Variants in ASB2 observed in about 807,000 individuals in gnomAD.
ASB2 encodes the protein ankyrin repeat and SOCS box protein 2.
In ASB2, 58 loss-of-function variants were observed where a neutral mutation model predicts 62.4. That is an observed-to-expected ratio of 0.93 (90% CI 0.75 to 1.16). ASB2 has a LOEUF of 1.16. Among genes scored for constraint, ASB2 ranks in the 50% most tolerant of loss-of-function variants. The pLI, the probability that ASB2 is intolerant of heterozygous loss-of-function variation, is 0.00. For missense variants in ASB2, 928 were observed against 887.9 expected (o/e 1.05, Z -0.57); for synonymous variants, 386 against 385.3 (o/e 1.00, Z -0.02).
rs34365480 is a variant in ASB2 at position 93,937,871 on chromosome 14, G to A, written c.1618-20C>T. Reference sequence around the variant, plus strand: ...ACAGAACTGAAAGAGAACATGCCGGGACCAAGAAGTGAGTTCATCCCACCT... The same window carrying A: ...ACAGAACTGAAAGAGAACATGCCGGAACCAAGAAGTGAGTTCATCCCACCT... On this transcript the variant is annotated intron_variant, in intron 8 of 9. Transcript: ENST00000555019. 10 of 1,578,632 alleles carry A rather than the reference G, an allele frequency of 6.3e-6. No individual in the cohort carries two copies. Among genetic ancestry groups the A allele is most frequent in the Non-Finnish European group, 8.7e-6 (10 of 1,153,382 alleles).
intron 6 of ASB2, among the ~76,000 whole-genome samples, chr14:93,950,028 T>C (rs914284486): frequency 1.3e-5 from 2 of 152,222 alleles, no homozygotes; most frequent in Non-Finnish European, 2.9e-5. Context: ...TGGAGTCAGA[T>C]GGCAGTGGGT....
rs145073522 is a variant in ASB2, at chr14:93,951,117, C to T, written c.762G>A (p.Met254Ile). ...TGGCTCCTCCGCTCACCAGGATCTG[C>T]ATGACCTCCAGGTCATTGCGAGACA... ...ESVSRNDLEVMQILVSGGAKV... is the reference protein window; with the variant it reads ...ESVSRNDLEVIQILVSGGAKV... Residue 254 changes from methionine (M) to isoleucine (I), a missense_variant, in exon 6 of 10, where the codon ATG becomes ATA. Physicochemically the swap from Met to Ile is conservative, Grantham distance 10. Transcript: ENST00000555019. 3.3e-5 allele frequency: 54 copies of T among 1,614,120 alleles called. No homozygotes were observed. The highest frequency in any genetic ancestry group is 4.4e-5 in the Non-Finnish European group (52 of 1,180,056).
intron 3 of ASB2, chr14:93,955,401 C>T: frequency 3.0e-6 from 1 of 334,310 alleles, no homozygotes; most frequent in South Asian, 2.4e-5. Flanking sequence ...AAGCAACAGA[C>T]CCAGCAAGGA....
chr14:93,956,682 T>C, intron 3 of ASB2, 84 bp downstream of exon 3: 1 of 1,555,924 alleles, frequency 6.4e-7, no homozygotes, highest in Non-Finnish European at 8.9e-7. Flanking sequence ...TCCTGGGGGC[T>C]GTGGGCCTGC....
chr14:93,968,909 C>T (rs1030775559), intron 1 of ASB2, among the ~76,000 whole-genome samples: 10 of 152,168 alleles, frequency 6.6e-5, no homozygotes, highest in African/African-American at 2.4e-4. Context: ...CCCTTGGAAG[C>T]ACAGCTGTTA....
intron 4 of ASB2, 149 bp downstream of exon 4, chr14:93,954,168 A>G: frequency 2.9e-6 from 2 of 679,360 alleles, no homozygotes; most frequent in Non-Finnish European, 5.1e-6. Context: ...CCCTCTCGTA[A>G]CTCCATGACT....
intron 1 of ASB2, among the ~76,000 whole-genome samples, chr14:93,975,535 C>T (rs1181636081): frequency 6.6e-6 from 1 of 152,228 alleles, no homozygotes; most frequent in Non-Finnish European, 1.5e-5. Flanking sequence ...CCCAGATGCT[C>T]AATGCATGTG....
At chr14:93,941,709 C>T (rs527724464) in intron 7 of ASB2, 5 of 456,104 alleles carry the variant, frequency 1.1e-5, no homozygotes, top group East Asian at 1.4e-4. Context: ...GGGGCTGCCC[C>T]GGGGCCGCTG....
At chr14:93,948,511 C>T (rs2025031) in intron 6 of ASB2, among the ~76,000 whole-genome samples, 35,924 of 152,192 alleles carry the variant, frequency 0.24, 4,591 homozygotes, top group African/African-American at 0.35. Context: ...TTGATCCTTA[C>T]TGCTATCAAT....
intron 7 of ASB2, among the ~76,000 whole-genome samples, chr14:93,946,978 G>C (rs1254106446): frequency 6.6e-6 from 1 of 152,188 alleles, no homozygotes; most frequent in Admixed American, 6.5e-5. Flanking sequence ...CCTATGAGCT[G>C]TGTGACCTTG....
intron 7 of ASB2, chr14:93,941,799 T>C (rs142934034): frequency 2.4e-5 from 10 of 416,496 alleles, no homozygotes; most frequent in African/African-American, 2.0e-4. Context: ...GTGGCAGAAA[T>C]GTGGGAACTT....
chr14:93,968,964 A>G (rs1395740486), intron 1 of ASB2, among the ~76,000 whole-genome samples: 3 of 152,184 alleles, frequency 2.0e-5, no homozygotes, highest in Non-Finnish European at 4.4e-5. Flanking sequence ...GAAGAGGCAA[A>G]TTTCCTACCC....
intron 3 of ASB2, chr14:93,955,288 C>T: frequency 5.0e-6 from 2 of 400,762 alleles, no homozygotes; most frequent in Non-Finnish European, 1.0e-5. Flanking sequence ...TCTCTGCCAC[C>T]AGCCCCTGCA....
intron 7 of ASB2, among the ~76,000 whole-genome samples, chr14:93,945,351 C>T (rs1888684085): frequency 6.6e-6 from 1 of 152,184 alleles, no homozygotes; most frequent in East Asian, 1.9e-4. Context: ...TGTCCATGCC[C>T]ACTGCCTGGC....
At position 93,964,420 on chromosome 14, in the gene ASB2, C is replaced by A; in HGVS notation, c.120G>T (p.Ala40=). The change falls in exon 2 of 10, where the codon GCG becomes GCT. Residue 40 remains alanine, a synonymous_variant. Transcript: ENST00000555019. ...LVQMAIEQSL[A]DKTRGPTTAE... is the part of the protein sequence containing the mutation. ...CAGTGGTTGGGCCCCTTGTCTTGTC[C>A]GCTAGGCTCTGCTCGATGGCCATCT... 1 of 1,536,054 alleles carries A rather than the reference C, an allele frequency of 6.5e-7. No individual in the cohort carries two copies. Among genetic ancestry groups the A allele is most frequent in the Non-Finnish European group, 8.7e-7 (1 of 1,146,902 alleles).
intron 9 of ASB2, among the ~76,000 whole-genome samples, 154 bp downstream of exon 9, chr14:93,937,544 G>C (rs1217822137): frequency 6.6e-6 from 1 of 152,194 alleles, no homozygotes; most frequent in Non-Finnish European, 1.5e-5. Context: ...ACAGCTCTCT[G>C]AGAGGCAGAT....
At chr14:93,938,041 T>C (rs1888337824) in intron 8 of ASB2, among the ~76,000 whole-genome samples, 190 bp from the exon 9 acceptor site, 1 of 152,092 alleles carries the variant, frequency 6.6e-6, no homozygotes, top group Admixed American at 6.5e-5. Flanking sequence ...GCAAGTCACA[T>C]CACCTCTGAG....
Position 93,953,341 on chromosome 14 carries a change from G to A in ASB2, c.634+11C>T, listed in dbSNP as rs1211561252. On this transcript the variant is annotated intron_variant, in intron 5 of 9. Coordinates refer to ENST00000555019, the MANE Select transcript of ASB2 (RefSeq NM_001202429.2). ...TCCGCAGGAAAGCTCACTCCGGGGTGGGGACCTCACCTTTGTAGAGCGGTG... is the reference window on the plus strand; with the variant it reads ...TCCGCAGGAAAGCTCACTCCGGGGTAGGGACCTCACCTTTGTAGAGCGGTG... 6.4e-7 allele frequency: 1 copy of A among 1,559,424 alleles called. No individual in the cohort carries two copies. The highest frequency in any genetic ancestry group is 2.3e-5 in the East Asian group (1 of 43,214).
chr14:93,949,151 A>T (rs1308189843), intron 6 of ASB2, among the ~76,000 whole-genome samples: 1 of 152,196 alleles, frequency 6.6e-6, no homozygotes, highest in African/African-American at 2.4e-5. Context: ...CATGGAACTA[A>T]GATGCTTGAA....
Sources: allele counts gnomAD v4.1 joint callset (sites outside exome capture counted in the v4.1 genomes callset), GRCh38; gene constraint gnomAD v4.1.1; transcripts MANE v1.5; gene names NCBI Gene and HGNC (gene_info 2026-07-23, HGNC 2026-07-21).